The following ANKS1B variants were observed in gnomAD, a reference collection of about 807,000 sequenced individuals.
The protein encoded by ANKS1B is ankyrin repeat and sterile alpha motif domain containing 1B, also known as ankyrin repeat and sterile alpha motif domain-containing protein 1B.
In ANKS1B, 36 loss-of-function variants were observed where a neutral mutation model predicts 148.3. The ratio of observed to expected loss-of-function variants is 0.24; its 90% CI spans 0.19 to 0.32. The LOEUF is 0.32. Ranked by LOEUF, ANKS1B falls within the 10% of genes least tolerant of loss-of-function variation. ANKS1B has a pLI of 1.00. For synonymous variants in ANKS1B, 542 were observed against 560.8 expected (o/e 0.97, Z 0.47); for missense variants, 1,157 against 1,542.6 (o/e 0.75, Z 4.19).
intron 19 of ANKS1B, among the ~76,000 whole-genome samples, chr12:98,825,124 C>T (rs2099237205): frequency 6.6e-6 from 1 of 152,112 alleles, no homozygotes; most frequent in South Asian, 2.1e-4. Context: ...GCCAAGCACT[C>T]ACCCTGTTTG....
At chr12:99,180,899 A>G (rs2079038325) in intron 14 of ANKS1B, among the ~76,000 whole-genome samples, 1 of 152,016 alleles carries the variant, frequency 6.6e-6, no homozygotes, top group Non-Finnish European at 1.5e-5. Flanking sequence ...AAAACCTAGG[A>G]AGGTCTCTGA....
intron 14 of ANKS1B, among the ~76,000 whole-genome samples, chr12:99,219,846 G>T (rs1402957003): frequency 2.6e-4 from 39 of 152,198 alleles, no homozygotes; most frequent in Admixed American, 2.6e-3. Context: ...TATAGAACCA[G>T]TCATTCTCAT....
In ANKS1B at chr12:99,817,171, CT is replaced by C. The variant is rs1481122950; in HGVS notation, c.216-4861del. 3.3e-5 allele frequency among the ~76,000 whole-genome samples: 5 copies of C among 149,560 alleles called. 1 individual carries two copies. In the Admixed American group the frequency reaches 3.4e-4, roughly 10 times the overall value. ...TAATCAAATCTCTTCTCCCCCCCCC[CT>C]TTCCTTCAAAGCCTCCTATAAATAC... On this transcript the variant is annotated intron_variant, in intron 2 of 26. Coordinates refer to ENST00000683438, the MANE Select transcript of ANKS1B (RefSeq NM_001352186.2).
intron 1 of ANKS1B, among the ~76,000 whole-genome samples, chr12:99,882,130 G>A (rs759853068): frequency 1.1e-4 from 17 of 152,128 alleles, no homozygotes; most frequent in Non-Finnish European, 1.9e-4. Flanking sequence ...GCAAAACTTT[G>A]AAAACTCACT....
At chr12:99,924,140 C>T (rs985347202) in intron 1 of ANKS1B, among the ~76,000 whole-genome samples, 1 of 152,044 alleles carries the variant, frequency 6.6e-6, no homozygotes, top group African/African-American at 2.4e-5. Context: ...TACTTAAATG[C>T]ATGTTGAATG....
At chr12:99,667,379 A>AAAAGG (rs1437802557) in intron 8 of ANKS1B, among the ~76,000 whole-genome samples, 1 of 151,914 alleles carries the variant, frequency 6.6e-6, no homozygotes, top group Non-Finnish European at 1.5e-5. Context: ...AAAAGAAAAG[A>AAAAGG]AAACCCTGAA....
At chr12:99,417,747 C>T (rs1489110566) in intron 11 of ANKS1B, among the ~76,000 whole-genome samples, 2 of 151,728 alleles carry the variant, frequency 1.3e-5, no homozygotes, top group African/African-American at 4.8e-5. Flanking sequence ...TATACAAGAC[C>T]TGTACATGTT....
chr12:98,934,510 A>C (rs2099816654), intron 17 of ANKS1B, among the ~76,000 whole-genome samples: 1 of 152,132 alleles, frequency 6.6e-6, no homozygotes, highest in African/African-American at 2.4e-5. Flanking sequence ...AAAAAATGCC[A>C]TTGGAACTTT....
chr12:99,196,958 T>C (rs1383717036), intron 14 of ANKS1B, among the ~76,000 whole-genome samples: 1 of 152,112 alleles, frequency 6.6e-6, no homozygotes, highest in Non-Finnish European at 1.5e-5. Flanking sequence ...CCACAGATAA[T>C]TCCAGGCTTA....
intron 25 of ANKS1B, among the ~76,000 whole-genome samples, chr12:98,772,419 C>T (rs563189966): frequency 1.1e-4 from 16 of 152,106 alleles, no homozygotes; most frequent in Admixed American, 2.6e-4. Context: ...CTAATAAAGA[C>T]GTACCCAAGA....
intron 8 of ANKS1B, among the ~76,000 whole-genome samples, chr12:99,717,247 C>T (rs943770012): frequency 7.9e-5 from 12 of 152,106 alleles, no homozygotes; most frequent in African/African-American, 2.9e-4. Flanking sequence ...AATTCCGGCC[C>T]TCAAACCCCA....
chr12:99,458,089 A>G lies in ANKS1B; in HGVS notation c.1439-14280T>C, dbSNP rs553167074. On this transcript the variant is annotated intron_variant, in intron 10 of 26. Transcript: ENST00000683438. ...CATAGCAAGTACTCTCTCAGAGCAC[A>G]GTGGAATAAAATTGGAACTCAACTC... Among the ~76,000 whole-genome samples, 3 of 152,284 alleles carry G rather than the reference A, an allele frequency of 2.0e-5. No homozygotes were observed. In the East Asian group the frequency reaches 5.8e-4, roughly 29 times the overall value.
In ANKS1B at chr12:99,123,916, C is replaced by T. The variant is rs138946594; in HGVS notation, c.2526+30373G>A. ...CCCAGGAACAATACATTGCATCCTT[C>T]AACCCAATGAAGTTGACACTCAATT... On this transcript the variant is annotated intron_variant, in intron 15 of 26. Coordinates refer to ENST00000683438, the MANE Select transcript of ANKS1B (RefSeq NM_001352186.2). Among the ~76,000 whole-genome samples the T allele has an allele frequency of 2.6e-5, 4 of 152,278 alleles. No individual in the cohort carries two copies. The East Asian group carries it at 7.7e-4, about 29-fold the overall frequency.
rs139683348 is a variant in ANKS1B at position 99,394,810 on chromosome 12, G to A, written c.1756+4821C>T. On this transcript the variant is annotated intron_variant, in intron 12 of 26. Coordinates refer to ENST00000683438, the MANE Select transcript of ANKS1B (RefSeq NM_001352186.2). ...TGCATATCATCTGTATAATGACGAC[G>A]TTCACATCTATACCTGCAGACTGGA... Among the ~76,000 whole-genome samples the A allele has an allele frequency of 8.5e-5, 13 of 152,192 alleles. No individual in the cohort carries two copies. The East Asian group carries it at 1.2e-3, about 14-fold the overall frequency.
At chr12:99,313,081 T>A (rs1566867535) in intron 12 of ANKS1B, among the ~76,000 whole-genome samples, 5 of 151,940 alleles carry the variant, frequency 3.3e-5, no homozygotes, top group Admixed American at 2.6e-4. Context: ...TAAAAAATGA[T>A]AAAGGGGATA....
At chr12:99,461,059 T>TATATATATATAG (rs1469738511) in intron 10 of ANKS1B, among the ~76,000 whole-genome samples, 2 of 150,454 alleles carry the variant, frequency 1.3e-5, no homozygotes, top group African/African-American at 5.0e-5. Flanking sequence ...TATATATATA[T>TATATATATATAG]ATATATACAC....
At chr12:98,967,651 G>A (rs1254266289) in intron 17 of ANKS1B, among the ~76,000 whole-genome samples, 3 of 121,154 alleles carry the variant, frequency 2.5e-5, no homozygotes, top group Non-Finnish European at 5.0e-5. Context: ...GGAGGGAAGA[G>A]GAGGGGAGAG....
chr12:99,309,619 A>T (rs10860419), intron 12 of ANKS1B, among the ~76,000 whole-genome samples: 13,813 of 152,130 alleles, frequency 0.091, 1,198 homozygotes, highest in East Asian at 0.49. Flanking sequence ...AGTCACACAT[A>T]AATACATAAA....
intron 12 of ANKS1B, among the ~76,000 whole-genome samples, chr12:99,311,077 T>A (rs564127309): frequency 1.4e-4 from 22 of 152,192 alleles, no homozygotes; most frequent in Non-Finnish European, 2.4e-4. Flanking sequence ...CTATTATTAC[T>A]GTGTGGTTGC....
Sources: gnomAD v4.1 joint callset for allele counts (sites outside exome capture counted in the v4.1 genomes callset) on GRCh38, gnomAD v4.1.1 for gene constraint, MANE v1.5 for transcripts, NCBI Gene and HGNC (gene_info 2026-07-23, HGNC 2026-07-21) for gene names.